KLHL29: variants seen among roughly 807,000 people sequenced by gnomAD.
KLHL29 encodes kelch-like protein 29.
In KLHL29, 21 loss-of-function variants were observed where a neutral mutation model predicts 80.4. The ratio of observed to expected loss-of-function variants is 0.26; its 90% confidence interval spans 0.19 to 0.38. The LOEUF is 0.38. KLHL29 is among the 10% of genes least tolerant of loss of function. The probability of loss-of-function intolerance (pLI) is 1.00; values close to 1 mark genes in which losing one functional copy is unlikely to be tolerated. For missense variants in KLHL29, 867 were observed against 1,223.9 expected (o/e 0.71, Z 4.35); for synonymous variants, 511 against 526.8 (o/e 0.97, Z 0.41).
intron 1 of KLHL29, among the ~76,000 whole-genome samples, chr2:23,391,856 G>C (rs544452430): frequency 2.0e-4 from 31 of 152,220 alleles, no homozygotes; most frequent in Non-Finnish European, 4.1e-4. Context: ...ACTGACATTT[G>C]TTCTTCCTTT....
chr2:23,391,566 G>T (rs1195964041), intron 1 of KLHL29, among the ~76,000 whole-genome samples: 3 of 152,134 alleles, frequency 2.0e-5, no homozygotes, highest in Non-Finnish European at 2.9e-5. Flanking sequence ...CTCCTGAGTA[G>T]CTGGGATTAC....
intron 1 of KLHL29, among the ~76,000 whole-genome samples, chr2:23,389,681 T>G (rs1482252805): frequency 6.7e-6 from 1 of 150,172 alleles, no homozygotes; most frequent in Non-Finnish European, 1.5e-5. Context: ...GAGCAAGACC[T>G]AGTCTCAGAA....
At chr2:23,619,892 A>G (rs1198663771) in intron 3 of KLHL29, among the ~76,000 whole-genome samples, 1 of 152,188 alleles carries the variant, frequency 6.6e-6, no homozygotes, top group African/African-American at 2.4e-5. Flanking sequence ...CTGTCCTCCA[A>G]GGAATTCATA....
At chr2:23,429,106 C>T (rs981939848) in intron 1 of KLHL29, among the ~76,000 whole-genome samples, 2 of 152,206 alleles carry the variant, frequency 1.3e-5, no homozygotes, top group Non-Finnish European at 2.9e-5. Flanking sequence ...TGAGCATCCA[C>T]CTCTCCCCAA....
chr2:23,575,266 C>T (rs1667815152), intron 3 of KLHL29, among the ~76,000 whole-genome samples: 1 of 152,210 alleles, frequency 6.6e-6, no homozygotes, highest in Non-Finnish European at 1.5e-5. Flanking sequence ...AAGGTGAGGC[C>T]TTAGCTATCC....
At chr2:23,673,855 C>A (rs1205168047) in intron 5 of KLHL29, among the ~76,000 whole-genome samples, 1 of 85,688 alleles carries the variant, frequency 1.2e-5, no homozygotes, top group African/African-American at 3.0e-5. Flanking sequence ...CACACCCACA[C>A]CCTTGTACCC....
At chr2:23,563,790 C>A (rs1314047051) in intron 3 of KLHL29, among the ~76,000 whole-genome samples, 2 of 152,198 alleles carry the variant, frequency 1.3e-5, no homozygotes, top group African/African-American at 4.8e-5. Context: ...TGACATCTTG[C>A]TGCAGTGCCT....
chr2:23,459,017 G>C (rs1044335561), intron 1 of KLHL29, among the ~76,000 whole-genome samples: 1 of 152,214 alleles, frequency 6.6e-6, no homozygotes, highest in Non-Finnish European at 1.5e-5. Context: ...AGAGAGGACA[G>C]TGGCAGTGGG....
chr2:23,557,673 G>T (rs1259608743), intron 2 of KLHL29, among the ~76,000 whole-genome samples: 1 of 152,096 alleles, frequency 6.6e-6, no homozygotes, highest in African/African-American at 2.4e-5. Context: ...GGGCCTAGGA[G>T]ACCCCTTTGA....
At chr2:23,550,064 G>A (rs1278813612) in intron 2 of KLHL29, among the ~76,000 whole-genome samples, 2 of 152,006 alleles carry the variant, frequency 1.3e-5, no homozygotes, top group Admixed American at 1.3e-4. Flanking sequence ...CCCCCAGGGT[G>A]TTTTTCCGTT....
At chr2:23,564,790 G>A (rs978186438) in intron 3 of KLHL29, among the ~76,000 whole-genome samples, 1 of 152,198 alleles carries the variant, frequency 6.6e-6, no homozygotes, top group Non-Finnish European at 1.5e-5. Context: ...TCTTGCCCTC[G>A]GGGAGCTCAC....
chr2:23,387,561 A>C (rs1666218156), intron 1 of KLHL29, among the ~76,000 whole-genome samples: 1 of 151,216 alleles, frequency 6.6e-6, no homozygotes, highest in East Asian at 1.9e-4. Flanking sequence ...AAGAAGGTAT[A>C]GAGCTTTTTA....
At chr2:23,519,787 T>C (rs1054267866) in intron 2 of KLHL29, among the ~76,000 whole-genome samples, 2 of 151,958 alleles carry the variant, frequency 1.3e-5, no homozygotes, top group African/African-American at 4.8e-5. Context: ...TGGGACAACT[T>C]GAAGCAAAGG....
At chr2:23,484,740 C>T (rs1222730165) in intron 2 of KLHL29, among the ~76,000 whole-genome samples, 3 of 152,200 alleles carry the variant, frequency 2.0e-5, no homozygotes, top group Non-Finnish European at 2.9e-5. Flanking sequence ...CCATCTTGCG[C>T]AGGTCCTCCC....
At chr2:23,633,464 CAGT>C (rs1669520989) in intron 3 of KLHL29, among the ~76,000 whole-genome samples, 1 of 152,104 alleles carries the variant, frequency 6.6e-6, no homozygotes, top group South Asian at 2.1e-4. Flanking sequence ...GTAAGATACA[CAGT>C]AGTCTGTGTA....
intron 1 of KLHL29, among the ~76,000 whole-genome samples, chr2:23,438,638 G>T (rs1663416063): frequency 6.7e-6 from 1 of 149,252 alleles, no homozygotes; most frequent in African/African-American, 2.5e-5. Flanking sequence ...TATTGAACCA[G>T]CCTTGCATCC....
chr2:23,421,532 GT>G (rs1662801054), intron 1 of KLHL29, among the ~76,000 whole-genome samples: 1 of 37,554 alleles, frequency 2.7e-5, no homozygotes, highest in Non-Finnish European at 4.4e-5. Context: ...GATTGTGTGT[GT>G]GTGTGTGTGT....
At chr2:23,616,891 A>T (rs1669023907) in intron 3 of KLHL29, 1 of 152,254 alleles carries the variant, frequency 6.6e-6, no homozygotes, top group South Asian at 2.1e-4. Flanking sequence ...TCTGACTTCC[A>T]GCACAAAGGG....
chr2:23,673,643 C>T (rs987301559), intron 5 of KLHL29, among the ~76,000 whole-genome samples: 1 of 150,796 alleles, frequency 6.6e-6, no homozygotes, highest in African/African-American at 2.4e-5. Flanking sequence ...CATACACACA[C>T]ACCCCTACAC....
Sources: gnomAD v4.1 joint callset for allele counts (sites outside exome capture counted in the v4.1 genomes callset) on GRCh38, gnomAD v4.1.1 for gene constraint, MANE v1.5 for transcripts, NCBI Gene and HGNC (gene_info 2026-07-23, HGNC 2026-07-21) for gene names.